The following DSCAML1 variants were observed in gnomAD, a reference collection of about 807,000 sequenced individuals.
DSCAML1 encodes DS cell adhesion molecule like 1, also known as cell adhesion molecule DSCAML1.
DSCAML1 carries 38 observed loss-of-function variants against 200.5 expected under a neutral mutation model. That is an observed-to-expected ratio of 0.19 (90% confidence interval 0.15 to 0.25). DSCAML1 has a LOEUF of 0.25. DSCAML1 is among the 10% of genes least tolerant of loss of function. The pLI is 1.00. For missense variants in DSCAML1, 2,223 were observed against 2,858.8 expected, an observed-to-expected ratio of 0.78 and a Z score of 5.07; for synonymous variants, 1,215 against 1,165.0, an observed-to-expected ratio of 1.04 and a Z score of -0.87.
chr11:117,483,714 G>A (rs2137223702), intron 11 of DSCAML1, among the ~76,000 whole-genome samples: 1 of 152,348 alleles, frequency 6.6e-6, no homozygotes, highest in South Asian at 2.1e-4. Flanking sequence ...GCAGACATAG[G>A]CGGGGCAGGT....
chr11:117,490,309 G>T (rs1264490318), intron 11 of DSCAML1, among the ~76,000 whole-genome samples: 1 of 152,152 alleles, frequency 6.6e-6, no homozygotes, highest in Admixed American at 6.5e-5. Flanking sequence ...GCTTGGACCA[G>T]CTGCTATTTA....
chr11:117,612,348 T>C (rs189532935), intron 3 of DSCAML1, among the ~76,000 whole-genome samples: 124 of 152,274 alleles, frequency 8.1e-4, no homozygotes, highest in African/African-American at 2.8e-3. Context: ...AGTCAGATGT[T>C]TCCCATCAGT....
At chr11:117,811,513 G>A (rs1008810198) in intron 1 of DSCAML1, among the ~76,000 whole-genome samples, 3 of 152,176 alleles carry the variant, frequency 2.0e-5, no homozygotes, top group African/African-American at 4.8e-5. Context: ...AACTGCAGCG[G>A]CCAGGCGTTC....
At chr11:117,603,616 C>T (rs1277045008) in intron 3 of DSCAML1, among the ~76,000 whole-genome samples, 1 of 152,126 alleles carries the variant, frequency 6.6e-6, no homozygotes, top group Non-Finnish European at 1.5e-5. Flanking sequence ...AAGCATAAGG[C>T]TAATGTCATA....
chr11:117,607,672 G>C (rs1292953283), intron 3 of DSCAML1, among the ~76,000 whole-genome samples: 4 of 152,184 alleles, frequency 2.6e-5, no homozygotes, highest in African/African-American at 4.8e-5. Context: ...CTCTCAGAGA[G>C]CAGCCCCCAC....
At position 117,784,202 on chromosome 11, in the gene DSCAML1, T is replaced by C. The variant is rs528283810; in HGVS notation, c.47-3392A>G. ...GAGCAGGGGAGGATTAGACACACCA[T>C]TCATTTCTGCGTATGGCTCTGACAG... On this transcript the variant is annotated intron_variant, in intron 1 of 32. Transcript: ENST00000651296. 7.2e-5 allele frequency among the ~76,000 whole-genome samples: 11 copies of C among 152,292 alleles called. No homozygotes were observed. The East Asian group carries it at 1.2e-3, about 16-fold the overall frequency.
Position 117,505,065 on chromosome 11 carries a change from G to A in DSCAML1, c.2063-22C>T, listed in dbSNP as rs1360055482. On this transcript the variant is annotated intron_variant, in intron 9 of 32. Coordinates refer to ENST00000651296, the MANE Select transcript of DSCAML1 (RefSeq NM_020693.4). The surrounding 1 kb of genome is among the most constrained non-coding windows in gnomAD (Gnocchi z 6.7). ...GGCACTGCAGAAAGAGGGAAGGTAG[G>A]GAAACAGACCATTTTAGTCTCTGAT... The A allele has an allele frequency of 1.9e-6, 3 of 1,606,682 alleles. No individual in the cohort carries two copies. The highest frequency in any genetic ancestry group is 2.6e-6 in the Non-Finnish European group (3 of 1,175,918).
rs186707463 is a variant in DSCAML1, at chr11:117,465,486, C to A, written c.3025-304G>T. On this transcript the variant is annotated intron_variant, in intron 16 of 32. Transcript: ENST00000651296. ...CTGCCGCGTCCTTGCCGAAATGCCT[C>A]TTCTGAACGAGGCCTTCCTTAACTC... 3.9e-3 allele frequency among the ~76,000 whole-genome samples: 592 copies of A among 152,318 alleles called. 6 individuals carry two copies. The highest frequency in any genetic ancestry group is 0.014 in the African/African-American group (563 of 41,568).
Position 117,672,121 on chromosome 11 carries a change from A to AAG in DSCAML1, c.511+104669_511+104670insCT, listed in dbSNP as rs1555196997. Reference sequence around the variant, plus strand: ...AGCTCAGAAAAAAAAAAAAAAAAAAAAAGAAGAAACCTTGGGCCTCATCCA... The same window carrying AAG: ...AGCTCAGAAAAAAAAAAAAAAAAAAAAGAAGAAGAAACCTTGGGCCTCATCCA... On this transcript the variant is annotated intron_variant, in intron 3 of 32. Coordinates refer to ENST00000651296, the MANE Select transcript of DSCAML1 (RefSeq NM_020693.4). Among the ~76,000 whole-genome samples, 3 of 147,472 alleles carry AAG rather than the reference A, an allele frequency of 2.0e-5. No individual in the cohort carries two copies. In the East Asian group the frequency reaches 6.0e-4, roughly 29 times the overall value.
At chr11:117,546,431 T>C (rs898073470) in intron 3 of DSCAML1, among the ~76,000 whole-genome samples, 2 of 152,194 alleles carry the variant, frequency 1.3e-5, no homozygotes, top group African/African-American at 4.8e-5. Context: ...AATGAATAAA[T>C]GAATGCATAG....
chr11:117,778,884 T>A (rs549004894), intron 2 of DSCAML1, among the ~76,000 whole-genome samples: 2 of 152,024 alleles, frequency 1.3e-5, no homozygotes, highest in Non-Finnish European at 2.9e-5. Context: ...CTAAAAAGAG[T>A]CCATGGGGAG....
chr11:117,719,691 G>A (rs1565893403), intron 3 of DSCAML1, among the ~76,000 whole-genome samples: 1 of 152,194 alleles, frequency 6.6e-6, no homozygotes, highest in East Asian at 1.9e-4. Flanking sequence ...TGAACTGACT[G>A]GCCCAAGGGT....
intron 3 of DSCAML1, among the ~76,000 whole-genome samples, chr11:117,658,196 A>G (rs2052771700): frequency 6.6e-6 from 1 of 152,130 alleles, no homozygotes; most frequent in Non-Finnish European, 1.5e-5. Flanking sequence ...CATAAACAGG[A>G]GCCACCGTGA....
intron 3 of DSCAML1, among the ~76,000 whole-genome samples, chr11:117,540,131 G>C (rs2050240148): frequency 6.6e-6 from 1 of 152,194 alleles, no homozygotes; most frequent in East Asian, 1.9e-4. Flanking sequence ...TAGAGGGAGG[G>C]AAAAGGGGGA....
In DSCAML1 at chr11:117,505,560, G is replaced by A. The variant is rs780356883; in HGVS notation, c.1956C>T (p.Ser652=). The A allele has an allele frequency of 6.2e-7, 1 of 1,613,568 alleles. No homozygotes were observed. Among genetic ancestry groups the A allele is most frequent in the African/African-American group, 1.3e-5 (1 of 74,906 alleles). ...GGGAGACGCTAGAGATCTGCAGGGA[G>A]CTCATGAATTCCTTGCTCTCGATGG... is the stretch of plus-strand genomic sequence containing the variant. ...GVTIESKEFM[S]SLQISSVSLK... is the part of the protein sequence containing the mutation. The change falls in exon 9 of 33, where the codon AGC becomes AGT. Residue 652 remains serine, a synonymous_variant. Transcript: ENST00000651296. The surrounding 1 kb of genome is among the most constrained non-coding windows in gnomAD (Gnocchi z 6.7).
At chr11:117,631,249 G>A (rs1851123795) in intron 3 of DSCAML1, among the ~76,000 whole-genome samples, 1 of 152,208 alleles carries the variant, frequency 6.6e-6, no homozygotes, top group South Asian at 2.1e-4. Flanking sequence ...CTTACTGCTG[G>A]TGGTACTGTC....
chr11:117,460,826 G>A (rs1166592388), intron 18 of DSCAML1, among the ~76,000 whole-genome samples: 2 of 152,088 alleles, frequency 1.3e-5, no homozygotes, highest in South Asian at 2.1e-4. Flanking sequence ...CAGAAAACAC[G>A]CCTTGCTGCG....
intron 3 of DSCAML1, among the ~76,000 whole-genome samples, chr11:117,766,841 C>CAA: frequency 6.6e-6 from 1 of 152,112 alleles, no homozygotes; most frequent in East Asian, 1.9e-4. Flanking sequence ...TGGAACCAAC[C>CAA]AACTGGCGTG....
At chr11:117,811,740 TG>T (rs1038975038) in intron 1 of DSCAML1, among the ~76,000 whole-genome samples, 1 of 152,202 alleles carries the variant, frequency 6.6e-6, no homozygotes, top group African/African-American at 2.4e-5. Context: ...GCTTAGCAGC[TG>T]AAGACTGAGG....
Sources: allele counts gnomAD v4.1 joint callset (sites outside exome capture counted in the v4.1 genomes callset), GRCh38; gene constraint gnomAD v4.1.1; non-coding constraint Gnocchi (gnomAD v3.1); transcripts MANE v1.5; gene names NCBI Gene and HGNC (gene_info 2026-07-23, HGNC 2026-07-21).